Variants in IFFO1 observed in about 807,000 individuals in gnomAD.
The protein encoded by IFFO1 is non-homologous end joining factor IFFO1.
Under a neutral mutation model 59.6 loss-of-function variants are expected in IFFO1, and 42 were observed. The observed-to-expected ratio is 0.70, with a 90% CI of 0.55 to 0.91. The LOEUF is 0.91. Ranked by LOEUF, IFFO1 falls within the 40% of genes least tolerant of loss-of-function variation. IFFO1 has a pLI of 0.00. For missense variants in IFFO1, 711 were observed against 793.2 expected, an observed-to-expected ratio of 0.90 and a Z score of 1.24; for synonymous variants, 336 against 342.8, an observed-to-expected ratio of 0.98 and a Z score of 0.22.
chr12:6,550,711 T>C lies in IFFO1; in HGVS notation c.914A>G (p.Lys305Arg), dbSNP rs1947192887. 1 of 1,614,128 alleles carries C rather than the reference T, an allele frequency of 6.2e-7. No homozygotes were observed. Among genetic ancestry groups the C allele is most frequent in the East Asian group, 2.2e-5 (1 of 44,882 alleles). Reference protein sequence around the residue: ...EQLKAELVVFKGLMSNNLSEL... With the variant: ...EQLKAELVVFRGLMSNNLSEL... ...TGCACTCACGTTACTCATGAGCCCCTTGAAGACCACCAGCTCAGCCTTCAA... is the reference window on the plus strand; with the variant it reads ...TGCACTCACGTTACTCATGAGCCCCCTGAAGACCACCAGCTCAGCCTTCAA... Residue 305 changes from lysine to arginine, a missense_variant, in exon 3 of 10, where the codon AAG becomes AGG. Transcript: ENST00000619571.
Position 6,550,942 on chromosome 12 carries a change from T to A in IFFO1, c.833A>T (p.Glu278Val). 6.2e-7 allele frequency: 1 copy of A among 1,614,126 alleles called. No individual in the cohort carries two copies. Among genetic ancestry groups the A allele is most frequent in the Non-Finnish European group, 8.5e-7 (1 of 1,179,994 alleles). Residue 278 changes from glutamate to valine, a missense_variant and splice_region_variant, in exon 2 of 10, where the codon GAG (glutamate) becomes GTG (valine). Physicochemically the swap from Glu to Val is moderately radical, Grantham distance 121. Coordinates refer to ENST00000619571, the MANE Select transcript of IFFO1 (RefSeq NM_001193457.2). ...QLQDRVNELQ[E>V]EAQEADACQE... ...CAGCAAGTGGGGCGCCACCCTCACCTCCTGGAGCTCATTTACACGGTCTTG... is the reference window on the plus strand; with the variant it reads ...CAGCAAGTGGGGCGCCACCCTCACCACCTGGAGCTCATTTACACGGTCTTG...
In IFFO1 at chr12:6,549,552, G is replaced by T; in HGVS notation, c.1072-68C>A. The T allele has an allele frequency of 7.1e-7, 1 of 1,409,422 alleles. No individual in the cohort carries two copies. Among genetic ancestry groups the T allele is most frequent in the Non-Finnish European group, 1.0e-6 (1 of 995,310 alleles). The allele number at this position is 1,409,422 out of a possible 1,614,324, so 87.3% of individuals were successfully genotyped here. A position where few individuals can be genotyped will look rare whatever the true frequency, so the allele number is the denominator to read the frequency against. ...GGAAGCAGACAGAGGAGAGAGAGGG[G>T]GAAGGGAGAGACGGCGTTAGAGACA... On this transcript the variant is annotated intron_variant, in intron 4 of 9. Coordinates refer to ENST00000619571, the MANE Select transcript of IFFO1 (RefSeq NM_001193457.2). This position sits in a 1 kb window ranked among gnomAD's most constrained non-coding sequence, Gnocchi z 5.0.
In IFFO1 at chr12:6,541,021, C is replaced by T. The variant is rs1157083995; in HGVS notation, c.1611-433G>A. Among the ~76,000 whole-genome samples, 4 of 133,114 alleles carry T rather than the reference C, an allele frequency of 3.0e-5. No homozygotes were observed. Among genetic ancestry groups the T allele is most frequent in the Non-Finnish European group, 6.4e-5 (4 of 62,228 alleles). 87.3% of individuals were successfully genotyped at this position (133,114 alleles called of 152,430 possible). A position where few individuals can be genotyped will look rare whatever the true frequency, so the allele number is the denominator to read the frequency against. ...CTGGGAGGCGGAGGTTGTAGTGAGCCAAAAAAAAAAAAAAAAGAAATAGCT... is the reference window on the plus strand; with the variant it reads ...CTGGGAGGCGGAGGTTGTAGTGAGCTAAAAAAAAAAAAAAAAGAAATAGCT... On this transcript the variant is annotated intron_variant, in intron 9 of 9. Transcript: ENST00000619571. The surrounding 1 kb of genome is among the most constrained non-coding windows in gnomAD (Gnocchi z 4.8).
In IFFO1 at chr12:6,555,947, C is replaced by T. The variant is rs1222998263; in HGVS notation, c.83G>A (p.Gly28Glu). Reference sequence around the variant, plus strand: ...TCCTCCCCCGGCGAAGTGGTCGCCTCCCAGTGAGTCCCCCAGTGGCCCGGC... The same window carrying T: ...TCCTCCCCCGGCGAAGTGGTCGCCTTCCAGTGAGTCCCCCAGTGGCCCGGC... Reference protein sequence around the residue: ...GLAGPLGDSLGGDHFAGGGDL... With the variant: ...GLAGPLGDSLEGDHFAGGGDL... The change falls in exon 1 of 10, where the codon GGA (glycine) becomes GAA (glutamate). Residue 28 changes from glycine to glutamate, a missense_variant. Physicochemically the swap from Gly to Glu is moderately conservative, Grantham distance 98. Around this residue, in one of 3 missense-constraint regions of IFFO1, gnomAD observed 114 missense variants for 102.4 expected, o/e 1.11. Transcript: ENST00000619571. The surrounding 1 kb of genome is among the most constrained non-coding windows in gnomAD (Gnocchi z 8.6). 3 of 1,556,768 alleles carry T rather than the reference C, an allele frequency of 1.9e-6. No homozygotes were observed. In the East Asian group the frequency reaches 7.1e-5, roughly 37 times the overall value.
At position 6,555,908 on chromosome 12, in the gene IFFO1, G is replaced by A. The variant is rs748939172; in HGVS notation, c.122C>T (p.Ala41Val). ...AGCAGGGCCGGCCGGCGAGAGAGGC[G>A]CCGGGGGCAAGTCTCCTCCCCCGGC... is the stretch of plus-strand genomic sequence containing the variant. Reference protein sequence around the residue: ...HFAGGGDLPPAPLSPAGPAAY... With the variant: ...HFAGGGDLPPVPLSPAGPAAY... The change falls in exon 1 of 10, where the codon GCG (alanine) becomes GTG (valine). Residue 41 changes from alanine to valine, a missense_variant. Ala to Val is a moderately conservative substitution (Grantham distance 64). Coordinates refer to ENST00000619571, the MANE Select transcript of IFFO1 (RefSeq NM_001193457.2). This position sits in a 1 kb window ranked among gnomAD's most constrained non-coding sequence, Gnocchi z 8.6. 22 of 1,554,198 alleles carry A rather than the reference G, an allele frequency of 1.4e-5. No homozygotes were observed. The highest frequency in any genetic ancestry group is 2.0e-4 in the Middle Eastern group (1 of 4,982).
In IFFO1 at chr12:6,548,927, A is replaced by T; in HGVS notation, c.1081-78T>A. ...GGCAGAGAGGGTGGGAATGGGGGAGAAGCATGAACCAGTAGGAAGGGGGGG... is the reference window on the plus strand; with the variant it reads ...GGCAGAGAGGGTGGGAATGGGGGAGTAGCATGAACCAGTAGGAAGGGGGGG... On this transcript the variant is annotated intron_variant, in intron 5 of 9. Coordinates refer to ENST00000619571, the MANE Select transcript of IFFO1 (RefSeq NM_001193457.2). This position sits in a 1 kb window ranked among gnomAD's most constrained non-coding sequence, Gnocchi z 6.1. 1 of 1,253,632 alleles carries T rather than the reference A, an allele frequency of 8.0e-7. No homozygotes were observed. The highest frequency in any genetic ancestry group is 1.1e-6 in the Non-Finnish European group (1 of 895,112). The allele number at this position is 1,253,632 out of a possible 1,614,324, so 77.7% of individuals were successfully genotyped here.
rs1027362662 is a variant in IFFO1 at position 6,548,978 on chromosome 12, C to A, written c.1081-129G>T. ...CAGACAGAGAGAAAAGTCACAGTTACAATGACAGGAACAGAAACACGGACA... is the reference window on the plus strand; with the variant it reads ...CAGACAGAGAGAAAAGTCACAGTTAAAATGACAGGAACAGAAACACGGACA... On this transcript the variant is annotated intron_variant, in intron 5 of 9. Coordinates refer to ENST00000619571, the MANE Select transcript of IFFO1 (RefSeq NM_001193457.2). This position sits in a 1 kb window ranked among gnomAD's most constrained non-coding sequence, Gnocchi z 6.1. 6.4e-6 allele frequency: 5 copies of A among 776,212 alleles called. No homozygotes were observed. Among genetic ancestry groups the A allele is most frequent in the Admixed American group, 2.6e-5 (1 of 38,824 alleles). The allele number at this position is 776,212 out of a possible 1,614,324, so 48.1% of individuals were successfully genotyped here.
intron 1 of IFFO1, among the ~76,000 whole-genome samples, chr12:6,553,741 C>T (rs1947329600): frequency 6.6e-6 from 1 of 152,182 alleles, no homozygotes; most frequent in South Asian, 2.1e-4. Context: ...TACTGCACTC[C>T]AGCCCGGATG....
rs763914749 is a variant in IFFO1 at position 6,549,808 on chromosome 12, A to G, written c.1019T>C (p.Leu340Pro). ...ICRRIDITAK[L>P]CDVAQQRNCE... The stretch of plus-strand genomic sequence containing the variant: ...GTTGCGCTGCTGAGCCACATCGCAG[A>G]GCTTGGCGGTGATGTCGATGCGGCG... Residue 340 changes from leucine to proline, a missense_variant, in exon 4 of 10, where the codon CTC becomes CCC. Coordinates refer to ENST00000619571, the MANE Select transcript of IFFO1 (RefSeq NM_001193457.2). The surrounding 1 kb of genome is among the most constrained non-coding windows in gnomAD (Gnocchi z 5.0). The G allele has an allele frequency of 6.2e-7, 1 of 1,614,160 alleles. No individual in the cohort carries two copies. The highest frequency in any genetic ancestry group is 8.5e-7 in the Non-Finnish European group (1 of 1,180,000).
At chr12:6,553,429 G>A (rs926465536) in intron 1 of IFFO1, among the ~76,000 whole-genome samples, 1 of 152,174 alleles carries the variant, frequency 6.6e-6, no homozygotes, top group African/African-American at 2.4e-5. Context: ...GTTAACTCCT[G>A]CAGGGGCAGA....
chr12:6,553,305 G>T (rs1947313940), intron 1 of IFFO1, among the ~76,000 whole-genome samples: 2 of 152,016 alleles, frequency 1.3e-5, no homozygotes, highest in South Asian at 4.1e-4. Flanking sequence ...TGGACAGCTG[G>T]ACCAAGGACA....
intron 8 of IFFO1, among the ~76,000 whole-genome samples, chr12:6,545,881 G>A (rs1485344169): frequency 6.6e-6 from 1 of 152,070 alleles, no homozygotes; most frequent in South Asian, 2.1e-4. Flanking sequence ...CTTCATAATG[G>A]CCCCAAAGCA....
At position 6,549,747 on chromosome 12, in the gene IFFO1, C is replaced by T. The variant is rs764781708; in HGVS notation, c.1071+9G>A. ...CACCCCTGAGAGCAGAGGGCAGCTC[C>T]GTCCTCACCTGGAACATCTGGATCA... On this transcript the variant is annotated intron_variant, in intron 4 of 9. Transcript: ENST00000619571. The surrounding 1 kb of genome is among the most constrained non-coding windows in gnomAD (Gnocchi z 5.0). 14 of 1,609,186 alleles carry T rather than the reference C, an allele frequency of 8.7e-6. No homozygotes were observed. Among genetic ancestry groups the T allele is most frequent in the African/African-American group, 5.3e-5 (4 of 74,878 alleles).
At chr12:6,540,713 G>A (rs538348764) in intron 9 of IFFO1, 125 bp from the exon 10 acceptor site, 4 of 809,792 alleles carry the variant, frequency 4.9e-6, no homozygotes, top group African/African-American at 1.7e-5. Context: ...GGGCGGGGCC[G>A]CGGGATGGCG....
chr12:6,539,545 C>A lies in IFFO1; in HGVS notation c.*938G>T, dbSNP rs1946597382. ...CACCAAAGTGCACAATAAATACTCGCCAGTTTCATTATTATTAAAGAATCC... is the reference window on the plus strand; with the variant it reads ...CACCAAAGTGCACAATAAATACTCGACAGTTTCATTATTATTAAAGAATCC... On this transcript the variant is annotated 3_prime_UTR_variant, in exon 10 of 10. Transcript: ENST00000619571. 6.6e-6 allele frequency: 1 copy of A among 152,104 alleles called. No individual in the cohort carries two copies. Among genetic ancestry groups the A allele is most frequent in the Admixed American group, 6.5e-5 (1 of 15,276 alleles). 9.4% of individuals were successfully genotyped at this position (152,104 alleles called of 1,614,324 possible). A position where few individuals can be genotyped will look rare whatever the true frequency, so the allele number is the denominator to read the frequency against.
intron 1 of IFFO1, among the ~76,000 whole-genome samples, chr12:6,552,832 A>G (rs7971438): frequency 0.012 from 1,883 of 152,334 alleles, 42 homozygotes; most frequent in African/African-American, 0.044. Flanking sequence ...CTTCACACAG[A>G]CAGGTTCATT....
At position 6,551,005 on chromosome 12, in the gene IFFO1, A is replaced by G; in HGVS notation, c.774-4T>C. 1 of 1,613,974 alleles carries G rather than the reference A, an allele frequency of 6.2e-7. No homozygotes were observed. Among genetic ancestry groups the G allele is most frequent in the Non-Finnish European group, 8.5e-7 (1 of 1,179,894 alleles). On this transcript the variant is annotated splice_polypyrimidine_tract_variant and splice_region_variant and intron_variant, in intron 1 of 9. Transcript: ENST00000619571. ...CACCGTGTACTCCTCTTCCCACCTG[A>G]CAGACATGGGAAGGGCGGAGAGAGC...
Position 6,541,509 on chromosome 12 carries a change from T to A in IFFO1, c.1610+3A>T. On this transcript the variant is annotated splice_donor_region_variant and intron_variant, in intron 9 of 9. Coordinates refer to ENST00000619571, the MANE Select transcript of IFFO1 (RefSeq NM_001193457.2). This position sits in a 1 kb window ranked among gnomAD's most constrained non-coding sequence, Gnocchi z 4.8. ...AGGCCCCATGCCCAGGGGAGGCGCC[T>A]ACCGGTCTCCAGACTGGGTGATGAG... is the stretch of plus-strand genomic sequence containing the variant. 6.2e-7 allele frequency: 1 copy of A among 1,613,544 alleles called. No homozygotes were observed. The highest frequency in any genetic ancestry group is 8.5e-7 in the Non-Finnish European group (1 of 1,179,976).
chr12:6,547,388 CA>C (rs909271634), intron 8 of IFFO1, among the ~76,000 whole-genome samples: 10 of 138,186 alleles, frequency 7.2e-5, no homozygotes, highest in Non-Finnish European at 1.4e-4. Flanking sequence ...GACCCTGTCT[CA>C]AAAAAAGAAA....
Sources: allele counts gnomAD v4.1 joint callset (sites outside exome capture counted in the v4.1 genomes callset), GRCh38; gene constraint gnomAD v4.1.1; regional missense constraint gnomAD v4.1.1; non-coding constraint Gnocchi (gnomAD v3.1); transcripts MANE v1.5; gene names NCBI Gene and HGNC (gene_info 2026-07-23, HGNC 2026-07-21).